Variants in HTD2 observed in about 807,000 individuals in gnomAD.
HTD2 encodes hydroxyacyl-thioester dehydratase type 2.
Under a neutral mutation model 3.1 loss-of-function variants are expected in HTD2, and 1 was observed. The observed-to-expected ratio is 0.32, with a 90% CI of 0.11 to 1.52. The LOEUF is 1.52. HTD2 is among the 40% of genes most tolerant of loss of function. The probability of loss-of-function intolerance (pLI) is 0.39; values close to 1 mark genes in which losing one functional copy is unlikely to be tolerated. For synonymous variants in HTD2, 50 were observed against 28.9 expected (o/e 1.73, Z -2.34); for missense variants, 150 against 79.6 (o/e 1.88, Z -3.36).
rs14927 is a variant in HTD2, at chr3:58,319,306, A to C, written c.*1186A>C. On this transcript the variant is annotated 3_prime_UTR_variant, in exon 5 of 5. Transcript: ENST00000461393. ...GGGGCGTATGTGCATCCTCGGTCTC[A>C]GTTATGTAAACGGTCTGATCTGTAA... 0.32 allele frequency: 48,307 copies of C among 152,124 alleles called. 9,153 individuals carry two copies. Among genetic ancestry groups the C allele is most frequent in the East Asian group, 0.81 (4,190 of 5,170 alleles). The allele number at this position is 152,124 out of a possible 1,614,324, so 9.4% of individuals were successfully genotyped here.
chr3:58,310,581 T>TGTTTGG lies in HTD2; in HGVS notation c.-339_-334dup, dbSNP rs1455482948. On this transcript the variant is annotated 5_prime_UTR_variant, in exon 2 of 5. Coordinates refer to ENST00000461393, the MANE Select transcript of HTD2 (RefSeq NM_001348712.2). Reference sequence around the variant, plus strand: ...CTGCTTATTTCGGCTGTGAAGGACCTGTTTGGGGAGGTATGGAATCACTTG... The same window carrying TGTTTGG: ...CTGCTTATTTCGGCTGTGAAGGACCTGTTTGGGTTTGGGGAGGTATGGAATCACTTG... 1.2e-6 allele frequency: 2 copies of TGTTTGG among 1,612,054 alleles called. No homozygotes were observed. Among genetic ancestry groups the TGTTTGG allele is most frequent in the Non-Finnish European group, 1.7e-6 (2 of 1,179,190 alleles).
chr3:58,316,487 C>T (rs759365065), intron 2 of HTD2, 28 bp from the exon 3 acceptor site: 3 of 1,588,718 alleles, frequency 1.9e-6, no homozygotes, highest in East Asian at 2.2e-5. Context: ...GTGAGAATAG[C>T]CTGCTAATAG....
chr3:58,315,771 G>C (rs1274155400), intron 2 of HTD2: 5 of 152,400 alleles, frequency 3.3e-5, no homozygotes, highest in Non-Finnish European at 5.9e-5. Flanking sequence ...CCGCCTCCCA[G>C]GTTCAAGCGA....
intron 1 of HTD2, chr3:58,308,035 T>A (rs2097477552): frequency 6.6e-6 from 1 of 152,034 alleles, no homozygotes; most frequent in African/African-American, 2.4e-5. Flanking sequence ...CTCCCCTATT[T>A]TAGGCAGCCA....
At chr3:58,306,874 A>G (rs1287792359) in intron 1 of HTD2, among the ~76,000 whole-genome samples, 1 of 152,246 alleles carries the variant, frequency 6.6e-6, no homozygotes, top group Non-Finnish European at 1.5e-5. Context: ...AGTACAGATA[A>G]AGATAAACGA....
Position 58,317,501 on chromosome 3 carries a change from A to G in HTD2, c.-113A>G. The G allele has an allele frequency of 6.4e-7, 1 of 1,564,886 alleles. No individual in the cohort carries two copies. Among genetic ancestry groups the G allele is most frequent in the Non-Finnish European group, 8.8e-7 (1 of 1,138,966 alleles). Reference sequence around the variant, plus strand: ...AGGGAACTAGTATTGGATTGAATGAATAGTCTTCCATTTTGGAAACGTTCA... The same window carrying G: ...AGGGAACTAGTATTGGATTGAATGAGTAGTCTTCCATTTTGGAAACGTTCA... On this transcript the variant is annotated 5_prime_UTR_variant, in exon 5 of 5. Transcript: ENST00000461393.
intron 2 of HTD2, among the ~76,000 whole-genome samples, chr3:58,314,675 A>AATT (rs2097486311): frequency 1.1e-5 from 1 of 90,558 alleles, no homozygotes; most frequent in African/African-American, 4.4e-5. Context: ...GTTTGGCAGT[A>AATT]TTTTTTTTTT....
At chr3:58,308,094 A>G (rs2107498188) in intron 1 of HTD2, 1 of 152,164 alleles carries the variant, frequency 6.6e-6, no homozygotes, top group East Asian at 1.9e-4. Context: ...CCAAGCAATG[A>G]AAGAAACAGA....
chr3:58,306,290 C>G (rs1037719725), upstream of HTD2: 17 of 152,316 alleles, frequency 1.1e-4, no homozygotes, highest in Admixed American at 8.5e-4. Context: ...CGAGGAGAAG[C>G]CAAACGTAAA....
At chr3:58,314,675 ATTTTTTTTTTT>A (rs751757663) in intron 2 of HTD2, among the ~76,000 whole-genome samples, 2 of 90,582 alleles carry the variant, frequency 2.2e-5, no homozygotes, top group Admixed American at 1.7e-4. Context: ...GTTTGGCAGT[ATTTTTTTTTTT>A]TTTTTTTTTT....
chr3:58,318,010 C>G lies in HTD2; in HGVS notation c.397C>G (p.Leu133Val), dbSNP rs1289025840. ...VVLASAEVKK[L>V]KRFIAIIAVS... is the part of the protein sequence containing the mutation. ...TTTAGCTTCTGCAGAAGTGAAAAAG[C>G]TGAAGCGGTTCATTGCTATTATTGC... is the stretch of plus-strand genomic sequence containing the variant. The change falls in exon 5 of 5, where the codon CTG (leucine) becomes GTG (valine). Residue 133 changes from leucine (L) to valine (V), a missense_variant. Leu to Val is a conservative substitution (Grantham distance 32). Coordinates refer to ENST00000461393, the MANE Select transcript of HTD2 (RefSeq NM_001348712.2). 5.7e-6 allele frequency: 4 copies of G among 702,864 alleles called. No individual in the cohort carries two copies. The highest frequency in any genetic ancestry group is 1.0e-5 in the Non-Finnish European group (4 of 384,982). The allele number at this position is 702,864 out of a possible 1,614,324, so 43.5% of individuals were successfully genotyped here.
intron 2 of HTD2, among the ~76,000 whole-genome samples, chr3:58,311,481 G>A (rs2097482183): frequency 6.6e-6 from 1 of 152,110 alleles, no homozygotes; most frequent in Non-Finnish European, 1.5e-5. Flanking sequence ...TCTCACATAT[G>A]AGTGAGAACA....
At chr3:58,306,836 G>A (rs1321959319) in intron 1 of HTD2, among the ~76,000 whole-genome samples, 185 bp downstream of exon 1, 1 of 152,080 alleles carries the variant, frequency 6.6e-6, no homozygotes, top group Non-Finnish European at 1.5e-5. Context: ...GATTCTTGGA[G>A]TGGACTTTTG....
In HTD2 at chr3:58,319,563, T is replaced by G. The variant is rs990086900; in HGVS notation, c.*1443T>G. On this transcript the variant is annotated 3_prime_UTR_variant, in exon 5 of 5. Transcript: ENST00000461393. Reference sequence around the variant, plus strand: ...GTGTTCTTAAGTACAGTTTCTGTTATAAAAGTTCAGATTATTCCTTGAAAA... The same window carrying G: ...GTGTTCTTAAGTACAGTTTCTGTTAGAAAAGTTCAGATTATTCCTTGAAAA... 6.6e-6 allele frequency: 1 copy of G among 152,116 alleles called. No individual in the cohort carries two copies. Among genetic ancestry groups the G allele is most frequent in the East Asian group, 1.9e-4 (1 of 5,168 alleles). 9.4% of individuals were successfully genotyped at this position (152,116 alleles called of 1,614,324 possible). A position where few individuals can be genotyped will look rare whatever the true frequency, so the allele number is the denominator to read the frequency against.
chr3:58,309,918 G>A (rs2097480294), intron 1 of HTD2: 1 of 169,194 alleles, frequency 5.9e-6, no homozygotes, highest in African/African-American at 2.4e-5. Context: ...ATAACAGGAA[G>A]GCCGGGCCTG....
At chr3:58,311,697 G>A (rs1429500448) in intron 2 of HTD2, among the ~76,000 whole-genome samples, 2 of 148,186 alleles carry the variant, frequency 1.3e-5, no homozygotes, top group Non-Finnish European at 3.0e-5. Flanking sequence ...AAATATGAGA[G>A]TGCATATGTC....
At position 58,320,049 on chromosome 3, in the gene HTD2, A is replaced by G. The variant is rs2097492898; in HGVS notation, c.*1929A>G. On this transcript the variant is annotated 3_prime_UTR_variant, in exon 5 of 5. Coordinates refer to ENST00000461393, the MANE Select transcript of HTD2 (RefSeq NM_001348712.2). ...CTCTATGGGTTTCCCTGTTCTGGAC[A>G]TTTCATAAAAGTTCATACAATGTAT... The G allele has an allele frequency of 2.0e-5, 3 of 152,118 alleles. No homozygotes were observed. In the South Asian group the frequency reaches 6.2e-4, roughly 32 times the overall value. The allele number at this position is 152,118 out of a possible 1,614,324, so 9.4% of individuals were successfully genotyped here. A position where few individuals can be genotyped will look rare whatever the true frequency, so the allele number is the denominator to read the frequency against.
rs1236126563 is a variant in HTD2 at position 58,319,861 on chromosome 3, TA to T, written c.*1745del. The T allele has an allele frequency of 1.3e-5, 2 of 152,204 alleles. No individual in the cohort carries two copies. Among genetic ancestry groups the T allele is most frequent in the African/African-American group, 4.8e-5 (2 of 41,440 alleles). The allele number at this position is 152,204 out of a possible 1,614,324, so 9.4% of individuals were successfully genotyped here. Reference sequence around the variant, plus strand: ...TTCACATACCATAAAATTCACCTTTTAAAAGTGTACAGTTTAGTGGTTTTCA... The same window carrying T: ...TTCACATACCATAAAATTCACCTTTTAAAGTGTACAGTTTAGTGGTTTTCA... On this transcript the variant is annotated 3_prime_UTR_variant, in exon 5 of 5. Transcript: ENST00000461393.
At chr3:58,317,208 C>T (rs73081554) in intron 4 of HTD2, among the ~76,000 whole-genome samples, 6,566 of 152,200 alleles carry the variant, frequency 0.043, 191 homozygotes, top group Non-Finnish European at 0.07. Context: ...AACTTGCAAC[C>T]CTGTGGTTAA....
Sources: allele counts gnomAD v4.1 joint callset (sites outside exome capture counted in the v4.1 genomes callset), GRCh38; gene constraint gnomAD v4.1.1; transcripts MANE v1.5; gene names NCBI Gene and HGNC (gene_info 2026-07-23, HGNC 2026-07-21).